The following PRKCG variants were observed in gnomAD, a reference collection of about 807,000 sequenced individuals.
PRKCG encodes protein kinase C gamma.
In PRKCG, 28 loss-of-function variants were observed where a neutral mutation model predicts 82.0. The observed-to-expected ratio is 0.34, with a 90% CI of 0.25 to 0.47. The LOEUF is 0.47. Among genes scored for constraint, PRKCG ranks in the 20% least tolerant of loss-of-function variants. The pLI is 1.00. For missense variants in PRKCG, 640 were observed against 952.7 expected (o/e 0.67, Z 4.32); for synonymous variants, 383 against 376.6 (o/e 1.02, Z -0.20).
rs750821949 is a variant in PRKCG at position 53,882,231 on chromosome 19, C to T, written c.-264C>T. ...CAGGTGCCGGAGCTGGAGCTCCCACCGCCGCCGCCCGTGCCTCCGGCTGCC... is the reference window on the plus strand; with the variant it reads ...CAGGTGCCGGAGCTGGAGCTCCCACTGCCGCCGCCCGTGCCTCCGGCTGCC... On this transcript the variant is annotated 5_prime_UTR_variant, in exon 1 of 18. Transcript: ENST00000263431. This position sits in a 1 kb window ranked among gnomAD's most constrained non-coding sequence, Gnocchi z 6.1. 2.1e-5 allele frequency: 11 copies of T among 519,276 alleles called. No individual in the cohort carries two copies. The highest frequency in any genetic ancestry group is 3.9e-5 in the Non-Finnish European group (11 of 284,884). The allele number at this position is 519,276 out of a possible 1,614,324, so 32.2% of individuals were successfully genotyped here.
chr19:53,893,845 C>T (rs1038262514), intron 9 of PRKCG, among the ~76,000 whole-genome samples: 14 of 151,994 alleles, frequency 9.2e-5, no homozygotes, highest in Admixed American at 5.2e-4. Flanking sequence ...CCTCCAGCTC[C>T]CGGGTTCAAG....
chr19:53,889,551 A>C lies in PRKCG; in HGVS notation c.286-87A>C. The C allele has an allele frequency of 1.0e-6, 1 of 959,198 alleles. No homozygotes were observed. Among genetic ancestry groups the C allele is most frequent in the Non-Finnish European group, 1.7e-6 (1 of 600,404 alleles). 59.4% of individuals were successfully genotyped at this position (959,198 alleles called of 1,614,324 possible). A position where few individuals can be genotyped will look rare whatever the true frequency, so the allele number is the denominator to read the frequency against. ...GGAGCCTCAGGCTGACCTAGAGAGC[A>C]AGGCAGGAGGAAAAGATAAAAGGGC... On this transcript the variant is annotated intron_variant, in intron 3 of 17. Coordinates refer to ENST00000263431, the MANE Select transcript of PRKCG (RefSeq NM_002739.5). The surrounding 1 kb of genome is among the most constrained non-coding windows in gnomAD (Gnocchi z 4.4).
In PRKCG at chr19:53,884,587, C is replaced by G. The variant is rs1249304745; in HGVS notation, c.285+344C>G. Among the ~76,000 whole-genome samples, 1 of 151,854 alleles carries G rather than the reference C, an allele frequency of 6.6e-6. No homozygotes were observed. The highest frequency in any genetic ancestry group is 6.6e-5 in the Admixed American group (1 of 15,234). On this transcript the variant is annotated intron_variant, in intron 3 of 17. Transcript: ENST00000263431. This position sits in a 1 kb window ranked among gnomAD's most constrained non-coding sequence, Gnocchi z 4.6. The stretch of plus-strand genomic sequence containing the variant: ...AAATATCAGTGCAGGTGCGGAGATG[C>G]CAACATAAGACAGAGGGAATCTCAG...
intron 9 of PRKCG, among the ~76,000 whole-genome samples, chr19:53,895,611 G>A (rs1182149929): frequency 6.6e-6 from 1 of 152,148 alleles, no homozygotes; most frequent in Non-Finnish European, 1.5e-5. Flanking sequence ...TGTGTGTGGG[G>A]GTTCACCTGC....
Position 53,882,317 on chromosome 19 carries a change from G to A in PRKCG, c.-178G>A. ...CCGCTCCCCCTGGCGGAGCCGGCGC[G>A]CCCGGGGTGCCGCTCCCTGCCTGGC... On this transcript the variant is annotated 5_prime_UTR_variant, in exon 1 of 18. Transcript: ENST00000263431. This position sits in a 1 kb window ranked among gnomAD's most constrained non-coding sequence, Gnocchi z 6.1. The A allele has an allele frequency of 1.1e-6, 1 of 908,172 alleles. No individual in the cohort carries two copies. The highest frequency in any genetic ancestry group is 1.6e-5 in the South Asian group (1 of 62,876). The allele number at this position is 908,172 out of a possible 1,614,324, so 56.3% of individuals were successfully genotyped here.
In PRKCG at chr19:53,906,806, G is replaced by C. The variant is rs748770167; in HGVS notation, c.2005G>C (p.Asp669His). The change falls in exon 18 of 18, where the codon GAT becomes CAT. Residue 669 changes from aspartate (D) to histidine (H), a missense_variant. Asp to His is a moderately conservative substitution (Grantham distance 81, BLOSUM62 -1). Around this residue, in one of 7 missense-constraint regions of PRKCG, gnomAD observed 198 missense variants for 273.4 expected, o/e 0.72. Coordinates refer to ENST00000263431, the MANE Select transcript of PRKCG (RefSeq NM_002739.5). ...AGTCCTGGCCAGCATCGACCAGGCCGATTTCCAGGGCTTCACCTACGTGAA... is the reference window on the plus strand; with the variant it reads ...AGTCCTGGCCAGCATCGACCAGGCCCATTTCCAGGGCTTCACCTACGTGAA... ...RLVLASIDQA[D>H]FQGFTYVNPD... 1.2e-6 allele frequency: 2 copies of C among 1,613,764 alleles called. No homozygotes were observed. The highest frequency in any genetic ancestry group is 8.5e-7 in the Non-Finnish European group (1 of 1,180,012).
At chr19:53,893,977 A>G (rs1164234450) in intron 9 of PRKCG, among the ~76,000 whole-genome samples, 3 of 151,872 alleles carry the variant, frequency 2.0e-5, no homozygotes, top group African/African-American at 7.3e-5. Flanking sequence ...GGCTGATCTC[A>G]AACTCCCAAA....
chr19:53,891,308 G>A (rs367775538), intron 5 of PRKCG, among the ~76,000 whole-genome samples: 14 of 147,794 alleles, frequency 9.5e-5, no homozygotes, highest in East Asian at 8.0e-4. Context: ...ACGGAGTCTC[G>A]CTGTGACGCC....
intron 9 of PRKCG, among the ~76,000 whole-genome samples, chr19:53,896,086 G>T (rs925627521): frequency 1.3e-5 from 2 of 151,762 alleles, no homozygotes; most frequent in Non-Finnish European, 2.9e-5. Flanking sequence ...GAGAGAATGG[G>T]CTCTGCAGGA....
rs577508595 is a variant in PRKCG, at chr19:53,889,460, C to T, written c.286-178C>T. 3.4e-4 allele frequency among the ~76,000 whole-genome samples: 52 copies of T among 151,884 alleles called. No homozygotes were observed. The highest frequency in any genetic ancestry group is 1.2e-3 in the African/African-American group (51 of 41,328). On this transcript the variant is annotated intron_variant, in intron 3 of 17. Transcript: ENST00000263431. This position sits in a 1 kb window ranked among gnomAD's most constrained non-coding sequence, Gnocchi z 4.4. ...TCATTTGTTTAATGCTGGGTCCCCA[C>T]ACCAAGAACAGTCCCTGGCACACAG...
In PRKCG at chr19:53,897,846, C is replaced by G. The variant is rs1371776238; in HGVS notation, c.940-113C>G. The G allele has an allele frequency of 1.6e-5, 23 of 1,481,864 alleles. 1 individual carries two copies. The highest frequency in any genetic ancestry group is 2.1e-5 in the Non-Finnish European group (22 of 1,071,574). 91.8% of individuals were successfully genotyped at this position (1,481,864 alleles called of 1,614,324 possible). The stretch of plus-strand genomic sequence containing the variant: ...AGGGTAGGAGGGTGGCCATTTTCCT[C>G]TGTCTAGCGATTCTCATCCTTTCCT... On this transcript the variant is annotated intron_variant, in intron 9 of 17. Coordinates refer to ENST00000263431, the MANE Select transcript of PRKCG (RefSeq NM_002739.5).
Position 53,907,199 on chromosome 19 carries a change from T to C in PRKCG, c.*304T>C. On this transcript the variant is annotated 3_prime_UTR_variant, in exon 18 of 18. Coordinates refer to ENST00000263431, the MANE Select transcript of PRKCG (RefSeq NM_002739.5). ...ACACCACTAACCATCCCCAACTCCA[T>C]GGGGTTCGAGACTCCATCTTGGTAG... 7 of 493,200 alleles carry C rather than the reference T, an allele frequency of 1.4e-5. No individual in the cohort carries two copies. The South Asian group carries it at 1.5e-4, about 11-fold the overall frequency. The allele number at this position is 493,200 out of a possible 1,614,324, so 30.6% of individuals were successfully genotyped here.
intron 3 of PRKCG, among the ~76,000 whole-genome samples, chr19:53,885,199 C>T (rs554047075): frequency 2.6e-4 from 39 of 152,208 alleles, no homozygotes; most frequent in African/African-American, 8.9e-4. Context: ...AATTCCATTT[C>T]GTGTCATTTG....
rs369396941 is a variant in PRKCG at position 53,898,642 on chromosome 19, G to A, written c.1281+14G>A. The A allele has an allele frequency of 1.3e-5, 21 of 1,561,574 alleles. No individual in the cohort carries two copies. The highest frequency in any genetic ancestry group is 6.8e-5 in the African/African-American group (5 of 73,304). On this transcript the variant is annotated intron_variant, in intron 11 of 17. Coordinates refer to ENST00000263431, the MANE Select transcript of PRKCG (RefSeq NM_002739.5). ...TTCCAGACCCCGGTAAGGATGGAGG[G>A]GGCGGAGGCTGTCCTCCGGGCCCTG...
Position 53,888,336 on chromosome 19 carries a change from T to G in PRKCG, c.286-1302T>G, listed in dbSNP as rs10404833. On this transcript the variant is annotated intron_variant, in intron 3 of 17. Coordinates refer to ENST00000263431, the MANE Select transcript of PRKCG (RefSeq NM_002739.5). ...ACCCTGTGATAATCCTTTTAATGGA[T>G]TCTTAGAATCAAGTTATTTAACAAG... Among the ~76,000 whole-genome samples, 1,334 of 152,266 alleles carry G rather than the reference T, an allele frequency of 8.8e-3. 22 individuals carry two copies. The highest frequency in any genetic ancestry group is 0.031 in the African/African-American group (1,278 of 41,538).
rs2068687573 is a variant in PRKCG, at chr19:53,892,768, A to G, written c.821+125A>G. 3.3e-6 allele frequency: 4 copies of G among 1,215,822 alleles called. No individual in the cohort carries two copies. Among genetic ancestry groups the G allele is most frequent in the Non-Finnish European group, 4.6e-6 (4 of 872,166 alleles). The allele number at this position is 1,215,822 out of a possible 1,614,324, so 75.3% of individuals were successfully genotyped here. A position where few individuals can be genotyped will look rare whatever the true frequency, so the allele number is the denominator to read the frequency against. ...CCAGCATGCGCACACACACACACAC[A>G]CACACACACACACGCACACACACGC... On this transcript the variant is annotated intron_variant, in intron 7 of 17. Coordinates refer to ENST00000263431, the MANE Select transcript of PRKCG (RefSeq NM_002739.5). The surrounding 1 kb of genome is among the most constrained non-coding windows in gnomAD (Gnocchi z 5.9).
Position 53,900,694 on chromosome 19 carries a change from T to C in PRKCG, c.1520T>C (p.Phe507Ser), listed in dbSNP as rs1265866750. 1.2e-6 allele frequency: 2 copies of C among 1,614,016 alleles called. No homozygotes were observed. Among genetic ancestry groups the C allele is most frequent in the Non-Finnish European group, 1.7e-6 (2 of 1,180,044 alleles). ...TDFGMCKENV[F>S]PGTTTRTFCG... is the part of the protein sequence containing the mutation. The stretch of plus-strand genomic sequence containing the variant: ...TTTGGCATGTGTAAGGAGAACGTCT[T>C]CCCCGGGACGACAACCCGCACCTTC... Residue 507 changes from phenylalanine to serine, a missense_variant, in exon 14 of 18, where the codon TTC becomes TCC. Physicochemically the swap from Phe to Ser is radical, Grantham distance 155 (BLOSUM62 -2). Coordinates refer to ENST00000263431, the MANE Select transcript of PRKCG (RefSeq NM_002739.5). This position sits in a 1 kb window ranked among gnomAD's most constrained non-coding sequence, Gnocchi z 4.2.
At position 53,907,166 on chromosome 19, in the gene PRKCG, C is replaced by G; in HGVS notation, c.*271C>G. 1 of 652,574 alleles carries G rather than the reference C, an allele frequency of 1.5e-6. No homozygotes were observed. The highest frequency in any genetic ancestry group is 3.0e-5 in the East Asian group (1 of 33,232). 40.4% of individuals were successfully genotyped at this position (652,574 alleles called of 1,614,324 possible). A position where few individuals can be genotyped will look rare whatever the true frequency, so the allele number is the denominator to read the frequency against. On this transcript the variant is annotated 3_prime_UTR_variant, in exon 18 of 18. Coordinates refer to ENST00000263431, the MANE Select transcript of PRKCG (RefSeq NM_002739.5). ...TTCTGGACTCTGCCCCAATCGGGTC[C>G]AGAGACCACACCACTAACCATCCCC...
Position 53,900,428 on chromosome 19 carries a change from G to A in PRKCG, c.1383G>A (p.Ala461=), listed in dbSNP as rs373576217. ...KFKEPHAAFY[A]AEIAIGLFFL... ...CCACCCCGTCCTCCAGGTTCTACGC[G>A]GCAGAAATCGCTATCGGCCTCTTCT... Residue 461 remains alanine, a synonymous_variant, in exon 13 of 18, where the codon GCG becomes GCA. Coordinates refer to ENST00000263431, the MANE Select transcript of PRKCG (RefSeq NM_002739.5). The surrounding 1 kb of genome is among the most constrained non-coding windows in gnomAD (Gnocchi z 4.2). 7 of 1,613,976 alleles carry A rather than the reference G, an allele frequency of 4.3e-6. No homozygotes were observed. The East Asian group carries it at 6.7e-5, about 15-fold the overall frequency.
Sources: gnomAD v4.1 joint callset for allele counts (sites outside exome capture counted in the v4.1 genomes callset) on GRCh38, gnomAD v4.1.1 for gene constraint, gnomAD v4.1.1 regional missense constraint, Gnocchi (gnomAD v3.1) non-coding constraint, MANE v1.5 for transcripts, NCBI Gene and HGNC (gene_info 2026-07-23, HGNC 2026-07-21) for gene names.